COG5: variants seen among roughly 807,000 people sequenced by gnomAD.
The protein encoded by COG5 is component of oligomeric golgi complex 5.
A neutral mutation model predicts 110.4 loss-of-function variants in COG5; 86 were observed. That is an observed-to-expected ratio of 0.78 (90% CI 0.65 to 0.93). The LOEUF is 0.93. Ranked by LOEUF, COG5 falls within the 40% of genes least tolerant of loss-of-function variation. The pLI is 0.00. For missense variants in COG5, 1,077 were observed against 987.0 expected, an observed-to-expected ratio of 1.09 and a Z score of -1.22; for synonymous variants, 360 against 334.6, an observed-to-expected ratio of 1.08 and a Z score of -0.83.
intron 6 of COG5, among the ~76,000 whole-genome samples, chr7:107,465,902 C>T (rs1340384175): frequency 1.3e-5 from 2 of 152,088 alleles, no homozygotes; most frequent in Admixed American, 1.3e-4. Context: ...CTATGTCCCC[C>T]AGCACAGCAT....
chr7:107,484,365 T>C (rs1034058261), intron 6 of COG5, among the ~76,000 whole-genome samples: 2 of 152,226 alleles, frequency 1.3e-5, no homozygotes, highest in African/African-American at 4.8e-5. Flanking sequence ...TTATGATTTC[T>C]TTTTAATTTT....
At chr7:107,300,526 T>C (rs1004577721) in intron 11 of COG5, among the ~76,000 whole-genome samples, 3 of 152,178 alleles carry the variant, frequency 2.0e-5, no homozygotes, top group Non-Finnish European at 4.4e-5. Context: ...TATGTCTGTA[T>C]ACTAGCAATG....
chr7:107,255,179 G>C (rs766779905), intron 16 of COG5, among the ~76,000 whole-genome samples: 1 of 152,038 alleles, frequency 6.6e-6, no homozygotes, highest in Non-Finnish European at 1.5e-5. Flanking sequence ...ATCCATTCCC[G>C]GTCTGGAACC....
chr7:107,545,795 A>G lies in COG5; in HGVS notation c.417+2316T>C, dbSNP rs571762002. Among the ~76,000 whole-genome samples, 785 of 150,650 alleles carry G rather than the reference A, an allele frequency of 5.2e-3. 3 individuals are homozygous for G. The highest frequency in any genetic ancestry group is 0.013 in the South Asian group (61 of 4,748). On this transcript the variant is annotated intron_variant, in intron 5 of 21. Transcript: ENST00000297135. ...ACTCCATCTCAAAAAAAAAAAAAAA[A>G]AAAAGAAAAGAAAAGAAAGAAAAAA...
At chr7:107,407,981 T>C (rs1288006060) in intron 7 of COG5, among the ~76,000 whole-genome samples, 1 of 152,206 alleles carries the variant, frequency 6.6e-6, no homozygotes, top group Non-Finnish European at 1.5e-5. Flanking sequence ...ATATGCCTTA[T>C]ATTAAGATCA....
At chr7:107,283,021 T>C (rs1805311653) in intron 13 of COG5, among the ~76,000 whole-genome samples, 1 of 152,226 alleles carries the variant, frequency 6.6e-6, no homozygotes, top group African/African-American at 2.4e-5. Flanking sequence ...TTTAAATAAG[T>C]GTCTAAAGCC....
At chr7:107,398,965 G>T (rs1006234046) in intron 7 of COG5, among the ~76,000 whole-genome samples, 1 of 152,126 alleles carries the variant, frequency 6.6e-6, no homozygotes, top group Admixed American at 6.5e-5. Flanking sequence ...ACTTTGGGAG[G>T]CCGAAGCAGG....
chr7:107,284,721 GCAGT>G (rs1272413282), intron 12 of COG5, among the ~76,000 whole-genome samples: 2 of 152,122 alleles, frequency 1.3e-5, no homozygotes, highest in Non-Finnish European at 1.5e-5. Context: ...TTTTCATTTA[GCAGT>G]CAAACTATTT....
At chr7:107,210,334 A>C in intron 21 of COG5, 192 bp downstream of exon 21, 2 of 1,432,896 alleles carry the variant, frequency 1.4e-6, no homozygotes, top group Non-Finnish European at 1.8e-6. Flanking sequence ...GAAAGAAAGC[A>C]AAAGATGTTG....
intron 20 of COG5, 28 bp from the exon 21 acceptor site, chr7:107,210,633 A>G (rs559487960): frequency 6.3e-7 from 1 of 1,576,352 alleles, no homozygotes; most frequent in Admixed American, 1.8e-5. Context: ...AATTAGAGAG[A>G]GTGCATACGC....
intron 6 of COG5, among the ~76,000 whole-genome samples, chr7:107,449,123 A>G (rs1357301907): frequency 6.6e-6 from 1 of 152,094 alleles, no homozygotes; most frequent in Non-Finnish European, 1.5e-5. Flanking sequence ...GGAGTTGAAC[A>G]ATAAGAACAC....
At chr7:107,356,217 T>G (rs1812613749) in intron 10 of COG5, among the ~76,000 whole-genome samples, 1 of 152,224 alleles carries the variant, frequency 6.6e-6, no homozygotes, top group South Asian at 2.1e-4. Flanking sequence ...AATTTCATCA[T>G]AGCTTACAGT....
At chr7:107,230,530 T>C in intron 19 of COG5, 85 bp downstream of exon 19, 1 of 998,306 alleles carries the variant, frequency 1.0e-6, no homozygotes, top group Non-Finnish European at 1.6e-6. Flanking sequence ...GGTTGAATAT[T>C]GGCAATTTTA....
At chr7:107,415,659 A>G (rs116510009) in intron 6 of COG5, among the ~76,000 whole-genome samples, 1,575 of 151,666 alleles carry the variant, frequency 0.01, 15 homozygotes, top group African/African-American at 0.036. Flanking sequence ...CGCATTTATT[A>G]CAGTGTTAAT....
intron 7 of COG5, among the ~76,000 whole-genome samples, chr7:107,382,742 A>C (rs773017295): frequency 1.3e-5 from 2 of 152,176 alleles, no homozygotes; most frequent in Non-Finnish European, 2.9e-5. Flanking sequence ...CCCAGCCTAA[A>C]GTCTATTTTT....
intron 6 of COG5, among the ~76,000 whole-genome samples, chr7:107,509,206 G>A (rs1353960314): frequency 6.6e-6 from 1 of 152,182 alleles, no homozygotes; most frequent in Non-Finnish European, 1.5e-5. Context: ...CCTTAAAGGA[G>A]CTGAGGTAGC....
intron 14 of COG5, among the ~76,000 whole-genome samples, chr7:107,268,851 C>T (rs1311372791): frequency 6.6e-6 from 1 of 152,142 alleles, no homozygotes; most frequent in Non-Finnish European, 1.5e-5. Flanking sequence ...CATTCCTTTA[C>T]TTTCATCCTT....
intron 7 of COG5, among the ~76,000 whole-genome samples, chr7:107,379,598 C>CA (rs200972977): frequency 0.28 from 20,537 of 73,044 alleles, 1,787 homozygotes; most frequent in East Asian, 0.44. Context: ...AAATGGAAAG[C>CA]AAAAAAAAAA....
At chr7:107,448,090 A>G (rs1005154996) in intron 6 of COG5, among the ~76,000 whole-genome samples, 1 of 152,122 alleles carries the variant, frequency 6.6e-6, no homozygotes, top group Non-Finnish European at 1.5e-5. Context: ...CGGGAGGTGG[A>G]GGTTGCAGTG....
Sources: gnomAD v4.1 joint callset for allele counts (sites outside exome capture counted in the v4.1 genomes callset) on GRCh38, gnomAD v4.1.1 for gene constraint, MANE v1.5 for transcripts, NCBI Gene and HGNC (gene_info 2026-07-23, HGNC 2026-07-21) for gene names.